Variants in BID observed in about 807,000 individuals in gnomAD.
BID encodes the protein BH3-interacting domain death agonist.
In BID, 19 loss-of-function variants were observed where a neutral mutation model predicts 17.4. That is an observed-to-expected ratio of 1.09 (90% CI 0.76 to 1.60). BID has a LOEUF of 1.60. BID is among the 40% of genes most tolerant of loss of function. BID has a pLI of 0.00. For synonymous variants in BID, 108 were observed against 102.8 expected (o/e 1.05, Z -0.31); for missense variants, 226 against 256.0 (o/e 0.88, Z 0.80).
intron 1 of BID, among the ~76,000 whole-genome samples, chr22:17,771,414 A>C (rs2145926190): frequency 6.6e-6 from 1 of 151,952 alleles, no homozygotes; most frequent in Non-Finnish European, 1.5e-5. Flanking sequence ...TTCCCCTTTA[A>C]GACCCCACTT....
chr22:17,761,442 T>C (rs185519321), intron 1 of BID, among the ~76,000 whole-genome samples: 1,512 of 150,688 alleles, frequency 0.01, 21 homozygotes, highest in African/African-American at 0.035. Context: ...TTTTTTTTTT[T>C]TTTTTTTGAG....
intron 1 of BID, among the ~76,000 whole-genome samples, chr22:17,759,488 G>A (rs2061620809): frequency 6.6e-6 from 1 of 151,786 alleles, no homozygotes; most frequent in African/African-American, 2.4e-5. Context: ...GGAGGCGGAG[G>A]TTGCAGTGAG....
chr22:17,762,553 C>CAA (rs200632483), intron 1 of BID, among the ~76,000 whole-genome samples: 4 of 145,700 alleles, frequency 2.7e-5, no homozygotes, highest in Non-Finnish European at 5.9e-5. Flanking sequence ...AATGAATGAA[C>CAA]ACTTTTTTTT....
chr22:17,772,192 C>T (rs950656210), intron 1 of BID, among the ~76,000 whole-genome samples: 5 of 152,218 alleles, frequency 3.3e-5, no homozygotes, highest in African/African-American at 1.2e-4. Flanking sequence ...TTGTCTCTGT[C>T]CTGTGCTTCA....
rs1331193773 is a variant in BID at position 17,743,940 on chromosome 22, G to C, written c.86C>G (p.Ser29Cys). 1 of 1,613,984 alleles carries C rather than the reference G, an allele frequency of 6.2e-7. No individual in the cohort carries two copies. The highest frequency in any genetic ancestry group is 1.7e-5 in the Admixed American group (1 of 60,026). The change falls in exon 3 of 6, where the codon TCT (serine) becomes TGT (cysteine). Residue 29 changes from serine to cysteine, a missense_variant. Transcript: ENST00000622694. ...CAGCTCTCTGCGGAAGCTGTTGTCA[G>C]AACAGCTTTGGAGGAAGCCAAACAC... ...LLVFGFLQSC[S>C]DNSFRRELDA...
intron 1 of BID, among the ~76,000 whole-genome samples, chr22:17,759,248 A>AAAAAAAAAAAC (rs1555906738): frequency 3.0e-5 from 4 of 133,916 alleles, no homozygotes; most frequent in Admixed American, 1.5e-4. Context: ...AAACAAAACA[A>AAAAAAAAAAAC]AAAAAAAAAA....
chr22:17,739,269 G>C, intron 4 of BID, 80 bp downstream of exon 4: 1 of 1,455,918 alleles, frequency 6.9e-7, no homozygotes, highest in South Asian at 1.3e-5. Flanking sequence ...TCACGGGACA[G>C]TGGGCTGCCT....
rs894353793 is a variant in BID, at chr22:17,749,968, G to A, written c.12+137C>T. ...TGCTTCAGTGAAGGGGCTGGGCGGG[G>A]TTCGTCTGTGCCGAGCTGTGGTAAG... On this transcript the variant is annotated intron_variant, in intron 2 of 5. Transcript: ENST00000622694. 18 of 814,376 alleles carry A rather than the reference G, an allele frequency of 2.2e-5. 1 individual carries two copies. Among genetic ancestry groups the A allele is most frequent in the Non-Finnish European group, 3.1e-5 (16 of 514,644 alleles). The allele number at this position is 814,376 out of a possible 1,614,324, so 50.4% of individuals were successfully genotyped here.
chr22:17,742,978 G>A (rs1341508274), intron 3 of BID, among the ~76,000 whole-genome samples: 5 of 152,332 alleles, frequency 3.3e-5, no homozygotes, highest in African/African-American at 9.6e-5. Context: ...TGGAAACCAT[G>A]GTGACCTGGA....
At chr22:17,752,174 C>G (rs1445075828) in intron 1 of BID, among the ~76,000 whole-genome samples, 1 of 152,200 alleles carries the variant, frequency 6.6e-6, no homozygotes, top group Non-Finnish European at 1.5e-5. Context: ...ACTGCAGCCA[C>G]CTTGGCACTG....
At chr22:17,752,955 G>A (rs1460115226) in intron 1 of BID, among the ~76,000 whole-genome samples, 14 of 140,192 alleles carry the variant, frequency 1.0e-4, no homozygotes, top group South Asian at 4.7e-4. Context: ...ATGAGCCACC[G>A]CGCCCAGTCT....
chr22:17,754,229 A>G (rs923440647), intron 1 of BID, among the ~76,000 whole-genome samples: 3 of 151,796 alleles, frequency 2.0e-5, no homozygotes, highest in Non-Finnish European at 4.4e-5. Flanking sequence ...ACTCTGCCGG[A>G]TGGGGGTGAC....
At position 17,736,996 on chromosome 22, in the gene BID, G is replaced by A. The variant is rs542140381; in HGVS notation, c.576+1021C>T. On this transcript the variant is annotated intron_variant, in intron 5 of 5. Coordinates refer to ENST00000622694, the MANE Select transcript of BID (RefSeq NM_001196.4). Reference sequence around the variant, plus strand: ...TTTTTTTTGTATTTTTAGTAGAAACGGGGTTTCACCATCTTGGCCAGGCTG... The same window carrying A: ...TTTTTTTTGTATTTTTAGTAGAAACAGGGTTTCACCATCTTGGCCAGGCTG... 5.3e-5 allele frequency among the ~76,000 whole-genome samples: 8 copies of A among 152,082 alleles called. No homozygotes were observed. The South Asian group carries it at 8.3e-4, about 16-fold the overall frequency.
At chr22:17,754,050 C>T (rs2061562237) in intron 1 of BID, among the ~76,000 whole-genome samples, 6 of 152,060 alleles carry the variant, frequency 3.9e-5, no homozygotes, top group Admixed American at 3.9e-4. Flanking sequence ...GTGACATTCC[C>T]CCAGTCTCCA....
intron 1 of BID, among the ~76,000 whole-genome samples, chr22:17,752,167 G>A (rs1308768566): frequency 6.6e-6 from 1 of 152,184 alleles, no homozygotes; most frequent in Non-Finnish European, 1.5e-5. Flanking sequence ...CAAGCAAACT[G>A]CAGCCACCTT....
At position 17,770,659 on chromosome 22, in the gene BID, C is replaced by T. The variant is rs147278774; in HGVS notation, c.-59+3722G>A. Among the ~76,000 whole-genome samples the T allele has an allele frequency of 1.1e-3, 172 of 152,344 alleles. 1 individual carries two copies. The highest frequency in any genetic ancestry group is 2.5e-3 in the Admixed American group (38 of 15,310). On this transcript the variant is annotated intron_variant, in intron 1 of 5. Transcript: ENST00000622694. ...AGCTCTTGGCCAAGGGCCGTGACGG[C>T]GGCGGGGAGGTTCAGCAGCTGTCCC...
At chr22:17,763,115 G>A (rs1275308699) in intron 1 of BID, among the ~76,000 whole-genome samples, 1 of 152,128 alleles carries the variant, frequency 6.6e-6, no homozygotes, top group Non-Finnish European at 1.5e-5. Flanking sequence ...GACCTTAGGC[G>A]ATCCACCCGC....
intron 1 of BID, among the ~76,000 whole-genome samples, chr22:17,761,295 C>A (rs550988513): frequency 8.0e-4 from 122 of 152,184 alleles, no homozygotes; most frequent in African/African-American, 2.1e-3. Context: ...AAGTGATGAA[C>A]CTTTGTTCTT....
At chr22:17,766,858 G>A (rs974835641) in intron 1 of BID, among the ~76,000 whole-genome samples, 25 of 152,050 alleles carry the variant, frequency 1.6e-4, no homozygotes, top group Admixed American at 6.5e-4. Context: ...CCAAAGTGCT[G>A]GGATTACAGG....
Sources: gnomAD v4.1 joint callset for allele counts (sites outside exome capture counted in the v4.1 genomes callset) on GRCh38, gnomAD v4.1.1 for gene constraint, MANE v1.5 for transcripts, NCBI Gene and HGNC (gene_info 2026-07-23, HGNC 2026-07-21) for gene names.